The following GPR176 variants were observed in gnomAD, a reference collection of about 807,000 sequenced individuals.
GPR176 encodes G-protein coupled receptor 176.
A neutral mutation model predicts 35.4 loss-of-function variants in GPR176; 26 were observed. The ratio of observed to expected loss-of-function variants is 0.74; its 90% CI spans 0.54 to 1.02. The LOEUF is 1.02. Ranked by LOEUF, GPR176 falls within the 50% of genes least tolerant of loss-of-function variation. The pLI is 0.00. For missense variants in GPR176, 597 were observed against 665.3 expected (o/e 0.90, Z 1.13); for synonymous variants, 278 against 271.3 (o/e 1.02, Z -0.24).
intron 1 of GPR176, among the ~76,000 whole-genome samples, chr15:39,855,050 CAA>C (rs1158490962): frequency 4.4e-4 from 53 of 121,646 alleles, no homozygotes; most frequent in Admixed American, 4.0e-4. Context: ...GACCCTGTCT[CAA>C]AAAAAAAAAA....
chr15:39,844,643 A>T (rs764427203), intron 1 of GPR176, among the ~76,000 whole-genome samples: 36 of 152,134 alleles, frequency 2.4e-4, no homozygotes, highest in Admixed American at 5.2e-4. Context: ...TATAGGCTAC[A>T]TAGATCCAGG....
At chr15:39,889,403 C>T (rs1308521585) in intron 1 of GPR176, among the ~76,000 whole-genome samples, 1 of 151,824 alleles carries the variant, frequency 6.6e-6, no homozygotes, top group African/African-American at 2.4e-5. Flanking sequence ...TAAAAATAGC[C>T]AGGCATGGTG....
At chr15:39,888,846 G>A (rs778782719) in intron 1 of GPR176, among the ~76,000 whole-genome samples, 7 of 152,126 alleles carry the variant, frequency 4.6e-5, no homozygotes, top group Admixed American at 1.3e-4. Context: ...AACTTTTAAT[G>A]AGACAGGTAA....
chr15:39,848,808 A>G (rs1161639338), intron 1 of GPR176, among the ~76,000 whole-genome samples: 1 of 151,954 alleles, frequency 6.6e-6, no homozygotes, highest in Non-Finnish European at 1.5e-5. Flanking sequence ...TGTGGGACAT[A>G]GCTAAAGCAG....
intron 1 of GPR176, among the ~76,000 whole-genome samples, chr15:39,816,119 A>T (rs1216256207): frequency 1.3e-5 from 2 of 152,260 alleles, no homozygotes; most frequent in Non-Finnish European, 2.9e-5. Context: ...AGCAGAGTGT[A>T]GAATGGGCTG....
chr15:39,840,391 C>A (rs1239155363), intron 1 of GPR176, among the ~76,000 whole-genome samples: 2 of 152,080 alleles, frequency 1.3e-5, no homozygotes, highest in African/African-American at 4.8e-5. Flanking sequence ...GACAGAAAAC[C>A]AAACACCGCA....
chr15:39,907,383 T>C lies in GPR176; in HGVS notation c.172+12472A>G, dbSNP rs2033453041. On this transcript the variant is annotated intron_variant, in intron 1 of 2. Transcript: ENST00000561100. Reference sequence around the variant, plus strand: ...CTTTGTGCTAACAAAGCTCCCGCTCTGCCCTCCAAGCCCTGAGCTTGGATC... The same window carrying C: ...CTTTGTGCTAACAAAGCTCCCGCTCCGCCCTCCAAGCCCTGAGCTTGGATC... Among the ~76,000 whole-genome samples, 4 of 152,344 alleles carry C rather than the reference T, an allele frequency of 2.6e-5. No individual in the cohort carries two copies. The South Asian group carries it at 8.3e-4, about 32-fold the overall frequency.
chr15:39,887,925 A>C (rs2032730656), intron 1 of GPR176, among the ~76,000 whole-genome samples: 1 of 152,204 alleles, frequency 6.6e-6, no homozygotes, highest in Non-Finnish European at 1.5e-5. Context: ...CCTATCTGCA[A>C]AGGAGTCTAG....
intron 1 of GPR176, among the ~76,000 whole-genome samples, chr15:39,825,622 G>A (rs1900586980): frequency 1.3e-5 from 2 of 151,952 alleles, no homozygotes; most frequent in South Asian, 4.2e-4. Context: ...CTTGTTCATG[G>A]GTTTTTGCCA....
chr15:39,856,400 AAAC>A (rs2031222367), intron 1 of GPR176, among the ~76,000 whole-genome samples: 1 of 152,210 alleles, frequency 6.6e-6, no homozygotes, highest in Non-Finnish European at 1.5e-5. Context: ...TGGCAGCTTC[AAAC>A]AACAACTATG....
intron 1 of GPR176, among the ~76,000 whole-genome samples, chr15:39,859,007 A>G (rs2031423073): frequency 1.3e-5 from 2 of 152,264 alleles, no homozygotes; most frequent in South Asian, 4.1e-4. Context: ...TGGGCCTCCC[A>G]AAACACTGGG....
At chr15:39,918,800 G>T (rs2033796006) in intron 1 of GPR176, among the ~76,000 whole-genome samples, 1 of 152,134 alleles carries the variant, frequency 6.6e-6, no homozygotes, top group African/African-American at 2.4e-5. Flanking sequence ...AAAGTATGAA[G>T]GGAAATTCCA....
intron 1 of GPR176, among the ~76,000 whole-genome samples, chr15:39,864,590 A>G (rs1004259229): frequency 4.3e-4 from 66 of 152,082 alleles, no homozygotes; most frequent in Non-Finnish European, 7.7e-4. Flanking sequence ...CAGAAAACTT[A>G]AAAAAGGAAA....
chr15:39,832,508 G>T (rs1472516431), intron 1 of GPR176, among the ~76,000 whole-genome samples: 1 of 152,080 alleles, frequency 6.6e-6, no homozygotes, highest in African/African-American at 2.4e-5. Flanking sequence ...CCTTCCGGGG[G>T]TTCTAGGGGA....
intron 1 of GPR176, chr15:39,813,239 A>G (rs531570454): frequency 2.0e-5 from 3 of 152,300 alleles, no homozygotes; most frequent in African/African-American, 7.2e-5. Context: ...CTCCATTTCA[A>G]TCATTTCTGG....
chr15:39,837,383 A>T (rs1054460583), intron 1 of GPR176, among the ~76,000 whole-genome samples: 1 of 151,788 alleles, frequency 6.6e-6, no homozygotes, highest in Non-Finnish European at 1.5e-5. Context: ...TGTGCCATTT[A>T]CTCCAACTCC....
At chr15:39,852,676 T>C (rs1174084946) in intron 1 of GPR176, among the ~76,000 whole-genome samples, 1 of 152,206 alleles carries the variant, frequency 6.6e-6, no homozygotes, top group East Asian at 1.9e-4. Context: ...TCAGACATTT[T>C]TAAGTGTCAG....
At chr15:39,865,589 T>C (rs571956130) in intron 1 of GPR176, among the ~76,000 whole-genome samples, 1 of 152,278 alleles carries the variant, frequency 6.6e-6, no homozygotes, top group East Asian at 1.9e-4. Flanking sequence ...TGAAAAATTA[T>C]TTAATGGGTA....
chr15:39,801,440 G>T lies in GPR176; in HGVS notation c.1240C>A (p.Gln414Lys). Residue 414 changes from glutamine to lysine, a missense_variant, in exon 3 of 3, where the codon CAG becomes AAG. Physicochemically the swap from Gln to Lys is moderately conservative, Grantham distance 53. Transcript: ENST00000561100. ...EIFSTCLEGE[Q>K]GPQFAPSAPP... Reference sequence around the variant, plus strand: ...GCAGAGGGCGCAAACTGTGGCCCCTGCTCTCCCTCCAGGCAGGTGCTAAAT... The same window carrying T: ...GCAGAGGGCGCAAACTGTGGCCCCTTCTCTCCCTCCAGGCAGGTGCTAAAT... The T allele has an allele frequency of 1.2e-6, 2 of 1,614,166 alleles. No homozygotes were observed. Among genetic ancestry groups the T allele is most frequent in the Non-Finnish European group, 1.7e-6 (2 of 1,179,986 alleles).
Sources: allele counts gnomAD v4.1 joint callset (sites outside exome capture counted in the v4.1 genomes callset), GRCh38; gene constraint gnomAD v4.1.1; transcripts MANE v1.5; gene names NCBI Gene and HGNC (gene_info 2026-07-23, HGNC 2026-07-21).